Variants in VXN observed in about 807,000 individuals in gnomAD.
VXN encodes uncharacterized protein C8orf46.
VXN carries 7 observed loss-of-function variants against 23.1 expected under a neutral mutation model. That is an observed-to-expected ratio of 0.30 (90% CI 0.17 to 0.57). VXN has a LOEUF of 0.57. Among genes scored for constraint, VXN ranks in the 20% least tolerant of loss-of-function variants. VXN has a pLI of 0.91. For missense variants in VXN, 238 were observed against 272.6 expected, an observed-to-expected ratio of 0.87 and a Z score of 0.89; for synonymous variants, 120 against 105.8, an observed-to-expected ratio of 1.13 and a Z score of -0.83.
At chr8:66,499,473 TCCAC>T (rs1807665827) in intron 2 of VXN, among the ~76,000 whole-genome samples, 1 of 152,122 alleles carries the variant, frequency 6.6e-6, no homozygotes, top group South Asian at 2.1e-4. Context: ...ACTCAAGTGA[TCCAC>T]CTGCCTCTGC....
At chr8:66,514,497 G>A (rs568190936) in intron 5 of VXN, among the ~76,000 whole-genome samples, 47 of 152,248 alleles carry the variant, frequency 3.1e-4, no homozygotes, top group South Asian at 8.3e-4. Context: ...GTGCAGTGGC[G>A]CAATTTTGGC....
chr8:66,508,851 C>T (rs909119192), intron 3 of VXN, among the ~76,000 whole-genome samples: 2 of 152,094 alleles, frequency 1.3e-5, no homozygotes, highest in South Asian at 2.1e-4. Context: ...AAAAATTAGC[C>T]GGGCGTGGTG....
rs140579426 is a variant in VXN at position 66,510,694 on chromosome 8, G to A, written c.342+537G>A. On this transcript the variant is annotated intron_variant, in intron 4 of 5. Transcript: ENST00000305454. ...GGTGCCAGCAGATTCAGTGACTGGC[G>A]ACGGCTCTCTTTCTGGCTTGCAGAT... is the stretch of plus-strand genomic sequence containing the variant. Among the ~76,000 whole-genome samples the A allele has an allele frequency of 3.3e-3, 507 of 152,302 alleles. 6 individuals are homozygous for A. The highest frequency in any genetic ancestry group is 0.012 in the African/African-American group (482 of 41,564).
intron 3 of VXN, among the ~76,000 whole-genome samples, chr8:66,506,354 C>T (rs1408992339): frequency 1.3e-5 from 2 of 150,064 alleles, no homozygotes; most frequent in Non-Finnish European, 3.0e-5. Context: ...CAATCTATAA[C>T]AAGAGTGTAG....
rs369256469 is a variant in VXN, at chr8:66,496,468, C to T, written c.102C>T (p.Ser34=). 15 of 1,614,046 alleles carry T rather than the reference C, an allele frequency of 9.3e-6. No homozygotes were observed. The highest frequency in any genetic ancestry group is 5.5e-5 in the South Asian group (5 of 91,088). Residue 34 remains serine (S), a synonymous_variant, in exon 2 of 6, where the codon AGC becomes AGT. Transcript: ENST00000305454. ...VSSPARRRAK[S]SQHLLTKNVV... ...GTCCAGCCAGAAGAAGAGCCAAAAG[C>T]TCTCAGCACCTCTTGACCAAGAATG...
At chr8:66,495,748 G>A (rs531085886) in intron 1 of VXN, among the ~76,000 whole-genome samples, 1 of 152,028 alleles carries the variant, frequency 6.6e-6, no homozygotes, top group African/African-American at 2.4e-5. Flanking sequence ...TTATAATTGT[G>A]GCAAAATATG....
Position 66,500,044 on chromosome 8 carries a change from C to T in VXN, c.126+3552C>T, listed in dbSNP as rs181714850. 5.4e-4 allele frequency among the ~76,000 whole-genome samples: 82 copies of T among 152,252 alleles called. 1 individual carries two copies. Among genetic ancestry groups the T allele is most frequent in the African/African-American group, 1.8e-3 (75 of 41,556 alleles). ...GCCTGGCCTACCTCATTCTTTATAG[C>T]GGCTGTATAATACAACATTGTATGA... On this transcript the variant is annotated intron_variant, in intron 2 of 5. Coordinates refer to ENST00000305454, the MANE Select transcript of VXN (RefSeq NM_152765.4).
At chr8:66,495,431 G>A (rs1488776789) in intron 1 of VXN, among the ~76,000 whole-genome samples, 1 of 152,178 alleles carries the variant, frequency 6.6e-6, no homozygotes, top group Non-Finnish European at 1.5e-5. Flanking sequence ...GTAAATGGGA[G>A]AAACAACTTA....
At chr8:66,513,743 C>A in intron 5 of VXN, 106 bp downstream of exon 5, 1 of 798,948 alleles carries the variant, frequency 1.3e-6, no homozygotes. Flanking sequence ...CTCGAGAGGC[C>A]AACACAAACC....
rs763220242 is a variant in VXN at position 66,505,453 on chromosome 8, G to C, written c.205G>C (p.Asp69His). 20 of 1,573,892 alleles carry C rather than the reference G, an allele frequency of 1.3e-5. No homozygotes were observed. In the East Asian group the frequency reaches 4.2e-4, roughly 33 times the overall value. Residue 69 changes from aspartate to histidine, a missense_variant, in exon 3 of 6, where the codon GAC (aspartate) becomes CAC (histidine). Physicochemically the swap from Asp to His is moderately conservative, Grantham distance 81 (BLOSUM62 -1). Transcript: ENST00000305454. ...CCGCGGAGACCGCAGGGACCCTGGC[G>C]ACCGCCGCAGGTTTGGGCGGCTCCA... ...PHRGDRRDPG[D>H]RRRFGRLQTA...
At chr8:66,506,942 G>T (rs1807766953) in intron 3 of VXN, among the ~76,000 whole-genome samples, 1 of 152,098 alleles carries the variant, frequency 6.6e-6, no homozygotes, top group Non-Finnish European at 1.5e-5. Context: ...GTGCATGTGT[G>T]TGTGGAAAGA....
chr8:66,499,117 A>AC (rs918641562), intron 2 of VXN, among the ~76,000 whole-genome samples: 4 of 143,250 alleles, frequency 2.8e-5, no homozygotes, highest in African/African-American at 1.0e-4. Flanking sequence ...AGCCACATTT[A>AC]TTTTTTTATT....
chr8:66,509,946 G>A, intron 3 of VXN, 150 bp from the exon 4 acceptor site: 1 of 718,012 alleles, frequency 1.4e-6, no homozygotes, highest in South Asian at 1.6e-5. Flanking sequence ...CTTGTGGCCT[G>A]ACCCTCCTGC....
At chr8:66,499,327 G>T (rs1445082651) in intron 2 of VXN, among the ~76,000 whole-genome samples, 1 of 149,886 alleles carries the variant, frequency 6.7e-6, no homozygotes, top group Admixed American at 6.7e-5. Context: ...CAACCCCCTG[G>T]GCTCAAGTGA....
chr8:66,505,431 C>T lies in VXN; in HGVS notation c.183C>T (p.Arg61=), dbSNP rs376342174. Residue 61 remains arginine (R), a synonymous_variant, in exon 3 of 6, where the codon CGC becomes CGT. Transcript: ENST00000305454. The stretch of plus-strand genomic sequence containing the variant: ...AGCCCCTGGAGCTGCTGCCCCACCG[C>T]GGAGACCGCAGGGACCCTGGCGACC... ...THQPLELLPH[R]GDRRDPGDRR... The T allele has an allele frequency of 4.0e-4, 633 of 1,579,064 alleles. 1 individual carries two copies. The highest frequency in any genetic ancestry group is 6.7e-4 in the Middle Eastern group (4 of 5,926).
At chr8:66,506,785 T>C (rs1160000501) in intron 3 of VXN, among the ~76,000 whole-genome samples, 1 of 152,148 alleles carries the variant, frequency 6.6e-6, no homozygotes. Context: ...AACTCATACA[T>C]CAAGCTATAT....
chr8:66,517,061 T>C lies in VXN; in HGVS notation c.*985T>C, dbSNP rs957176547. ...GAACAAGTAAGGGATTTGAATGAAATACACTATTATATCTTATATGTTAGC... is the reference window on the plus strand; with the variant it reads ...GAACAAGTAAGGGATTTGAATGAAACACACTATTATATCTTATATGTTAGC... On this transcript the variant is annotated 3_prime_UTR_variant, in exon 6 of 6. Coordinates refer to ENST00000305454, the MANE Select transcript of VXN (RefSeq NM_152765.4). The C allele has an allele frequency of 1.3e-5, 2 of 152,218 alleles. No individual in the cohort carries two copies. The highest frequency in any genetic ancestry group is 4.8e-5 in the African/African-American group (2 of 41,446). 9.4% of individuals were successfully genotyped at this position (152,218 alleles called of 1,614,324 possible). A position where few individuals can be genotyped will look rare whatever the true frequency, so the allele number is the denominator to read the frequency against.
In VXN at chr8:66,510,099, G is replaced by C. The variant is rs372348689; in HGVS notation, c.284G>C (p.Gly95Ala). 36 of 1,613,832 alleles carry C rather than the reference G, an allele frequency of 2.2e-5. No individual in the cohort carries two copies. In the South Asian group the frequency reaches 3.8e-4, roughly 17 times the overall value. The change falls in exon 4 of 6, where the codon GGG becomes GCG. Residue 95 changes from glycine to alanine, a missense_variant. By Grantham distance (60) the Gly-to-Ala change is moderately conservative. Around this residue, in one of 2 missense-constraint regions of VXN, gnomAD observed 223 missense variants for 236.9 expected, o/e 0.94. Coordinates refer to ENST00000305454, the MANE Select transcript of VXN (RefSeq NM_152765.4). ...TCTCCTCTGTTCAACATTGCAGTGG[G>C]GATTTCTGAACCCAAAACATCAAAT... is the stretch of plus-strand genomic sequence containing the variant. ...HPAKASARPV[G>A]ISEPKTSNLC...
At chr8:66,495,099 T>A (rs1807611183) in intron 1 of VXN, 1 of 151,900 alleles carries the variant, frequency 6.6e-6, no homozygotes, top group African/African-American at 2.4e-5. Flanking sequence ...TAGAGAAAAA[T>A]ACAAAAACAT....
Sources: gnomAD v4.1 joint callset for allele counts (sites outside exome capture counted in the v4.1 genomes callset) on GRCh38, gnomAD v4.1.1 for gene constraint, gnomAD v4.1.1 regional missense constraint, MANE v1.5 for transcripts, NCBI Gene and HGNC (gene_info 2026-07-23, HGNC 2026-07-21) for gene names.